The following GPC5 variants were observed in gnomAD, a reference collection of about 807,000 sequenced individuals.
GPC5 encodes glypican-5.
A neutral mutation model predicts 53.9 loss-of-function variants in GPC5; 47 were observed. That is an observed-to-expected ratio of 0.87 (90% CI 0.69 to 1.11). The LOEUF is 1.11. Among genes scored for constraint, GPC5 ranks in the 50% most tolerant of loss-of-function variants. The pLI is 0.00. For synonymous variants in GPC5, 286 were observed against 263.3 expected (o/e 1.09, Z -0.84); for missense variants, 748 against 713.1 (o/e 1.05, Z -0.56).
chr13:91,817,343 TA>T (rs1423727775), intron 5 of GPC5, among the ~76,000 whole-genome samples: 1 of 152,196 alleles, frequency 6.6e-6, no homozygotes, highest in African/African-American at 2.4e-5. Flanking sequence ...ATCAGGATAA[TA>T]ACTACATCTT....
At chr13:92,379,882 C>A (rs1006696541) in intron 7 of GPC5, among the ~76,000 whole-genome samples, 5 of 152,176 alleles carry the variant, frequency 3.3e-5, no homozygotes, top group African/African-American at 1.2e-4. Flanking sequence ...TAGTGGCTAC[C>A]TATTTTGGCA....
chr13:92,622,080 C>A (rs1396999179), intron 7 of GPC5, among the ~76,000 whole-genome samples: 1 of 152,162 alleles, frequency 6.6e-6, no homozygotes, highest in Non-Finnish European at 1.5e-5. Flanking sequence ...CCTGTTTGCC[C>A]GTGGGATGGT....
chr13:92,626,382 G>C (rs967498966), intron 7 of GPC5, among the ~76,000 whole-genome samples: 2 of 152,158 alleles, frequency 1.3e-5, no homozygotes, highest in Admixed American at 6.5e-5. Context: ...AGGGGATAGA[G>C]ACGAACACAG....
chr13:92,682,138 C>T (rs892605799), intron 7 of GPC5, among the ~76,000 whole-genome samples: 1 of 152,124 alleles, frequency 6.6e-6, no homozygotes, highest in African/African-American at 2.4e-5. Flanking sequence ...TTGTCTCTAC[C>T]TCTTACATTA....
At chr13:92,472,350 TA>T (rs1878946132) in intron 7 of GPC5, among the ~76,000 whole-genome samples, 2 of 152,256 alleles carry the variant, frequency 1.3e-5, no homozygotes, top group African/African-American at 4.8e-5. Context: ...AAACCAATGC[TA>T]CTCCTGGTCT....
chr13:91,731,880 C>T (rs926999277), intron 4 of GPC5, among the ~76,000 whole-genome samples: 1 of 152,152 alleles, frequency 6.6e-6, no homozygotes, highest in African/African-American at 2.4e-5. Context: ...TTTATGGCTG[C>T]ATAGTATTCC....
intron 7 of GPC5, among the ~76,000 whole-genome samples, chr13:92,508,878 GAT>G (rs1880468128): frequency 6.6e-6 from 1 of 152,162 alleles, no homozygotes; most frequent in Non-Finnish European, 1.5e-5. Flanking sequence ...GGTTTTGAAA[GAT>G]AAGATTTTAA....
intron 7 of GPC5, among the ~76,000 whole-genome samples, chr13:92,744,020 C>A (rs1003844051): frequency 6.6e-6 from 1 of 151,862 alleles, no homozygotes; most frequent in Admixed American, 6.6e-5. Context: ...ATGGTGGCAG[C>A]GGTGGAGTGG....
At chr13:92,393,362 G>A (rs1875112794) in intron 7 of GPC5, among the ~76,000 whole-genome samples, 2 of 152,100 alleles carry the variant, frequency 1.3e-5, no homozygotes. Flanking sequence ...ACGAACTTAT[G>A]AACACAGGCC....
rs113759163 is a variant in GPC5, at chr13:91,672,854, C to T, written c.326-20333C>T. On this transcript the variant is annotated intron_variant, in intron 2 of 7. Transcript: ENST00000377067. Reference sequence around the variant, plus strand: ...ACCCAAATGCCCATCAATGAGAGCACGGATAAGGCAAGTGTGGTACAAATA... The same window carrying T: ...ACCCAAATGCCCATCAATGAGAGCATGGATAAGGCAAGTGTGGTACAAATA... 2.0e-5 allele frequency among the ~76,000 whole-genome samples: 3 copies of T among 152,138 alleles called. No homozygotes were observed. The East Asian group carries it at 5.8e-4, about 29-fold the overall frequency.
chr13:92,465,036 T>C (rs552114871), intron 7 of GPC5, among the ~76,000 whole-genome samples: 53 of 152,132 alleles, frequency 3.5e-4, no homozygotes, highest in Middle Eastern at 3.4e-3. Context: ...CATTCATCTA[T>C]GTTTCTTAAA....
At chr13:92,430,450 T>A (rs1338637585) in intron 7 of GPC5, among the ~76,000 whole-genome samples, 1 of 152,126 alleles carries the variant, frequency 6.6e-6, no homozygotes, top group Non-Finnish European at 1.5e-5. Context: ...TCAATCTCAA[T>A]GAAGTTATTT....
intron 7 of GPC5, among the ~76,000 whole-genome samples, chr13:92,159,055 T>C (rs775403408): frequency 9.2e-5 from 14 of 152,212 alleles, no homozygotes; most frequent in African/African-American, 2.7e-4. Flanking sequence ...AAGACTGTTA[T>C]AGCTACTGTG....
At chr13:91,654,835 T>C (rs2034808066) in intron 2 of GPC5, among the ~76,000 whole-genome samples, 1 of 152,222 alleles carries the variant, frequency 6.6e-6, no homozygotes, top group South Asian at 2.1e-4. Flanking sequence ...TTTTTGCCAT[T>C]GTTTCACCTC....
At chr13:91,412,971 G>C (rs1268828793) in intron 1 of GPC5, among the ~76,000 whole-genome samples, 1 of 152,132 alleles carries the variant, frequency 6.6e-6, no homozygotes, top group Non-Finnish European at 1.5e-5. Flanking sequence ...AATGAATAAA[G>C]GTAAAGCTGT....
At chr13:92,698,781 A>G (rs1282627057) in intron 7 of GPC5, among the ~76,000 whole-genome samples, 1 of 152,192 alleles carries the variant, frequency 6.6e-6, no homozygotes, top group Non-Finnish European at 1.5e-5. Context: ...CAGTCCCACC[A>G]ACAGTGTAAA....
chr13:91,683,479 G>C (rs2035553740), intron 2 of GPC5, among the ~76,000 whole-genome samples: 3 of 152,140 alleles, frequency 2.0e-5, no homozygotes, highest in African/African-American at 7.2e-5. Flanking sequence ...CTGTGCTCCT[G>C]GATCCACATT....
chr13:92,476,013 C>T (rs1422983845), intron 7 of GPC5, among the ~76,000 whole-genome samples: 1 of 152,094 alleles, frequency 6.6e-6, no homozygotes, highest in Non-Finnish European at 1.5e-5. Context: ...ACACCAAAAG[C>T]AATGGCAACA....
At position 91,769,721 on chromosome 13, in the gene GPC5, T is replaced by C. The variant is rs946120218; in HGVS notation, c.1280+13301T>C. Among the ~76,000 whole-genome samples the C allele has an allele frequency of 3.9e-5, 6 of 152,168 alleles. No individual in the cohort carries two copies. The South Asian group carries it at 8.3e-4, about 21-fold the overall frequency. ...AGCCCGGGAAGAAGCTTGGATTTTA[T>C]TCTATGTGCTTTGAGAAGTCATTGG... On this transcript the variant is annotated intron_variant, in intron 5 of 7. Coordinates refer to ENST00000377067, the MANE Select transcript of GPC5 (RefSeq NM_004466.6).
Sources: gnomAD v4.1 joint callset for allele counts (sites outside exome capture counted in the v4.1 genomes callset) on GRCh38, gnomAD v4.1.1 for gene constraint, MANE v1.5 for transcripts, NCBI Gene and HGNC (gene_info 2026-07-23, HGNC 2026-07-21) for gene names.